SLC35A2: variants seen among roughly 807,000 people sequenced by gnomAD.
SLC35A2 encodes the protein UDP-galactose translocator.
A neutral mutation model predicts 17.3 loss-of-function variants in SLC35A2; 1 was observed. That is an observed-to-expected ratio of 0.06 (90% CI 0.02 to 0.27). SLC35A2 has a LOEUF of 0.27. SLC35A2 is among the 10% of genes least tolerant of loss of function. The probability of loss-of-function intolerance (pLI) is 1.00; values close to 1 mark genes in which losing one functional copy is unlikely to be tolerated. For synonymous variants in SLC35A2, 161 were observed against 161.3 expected (o/e 1.00, Z 0.01); for missense variants, 191 against 339.3 (o/e 0.56, Z 3.43).
chrX:48,910,277 C>G (rs782738969), intron 1 of SLC35A2: 2 of 1,146,127 alleles, frequency 1.7e-6, no homozygotes, highest in East Asian at 6.5e-5. Flanking sequence ...GAGGCAAACC[C>G]TGGCCACGCG....
intron 3 of SLC35A2, 83 bp from the exon 4 acceptor site, chrX:48,905,565 C>T (rs2063484960): frequency 1.1e-6 from 1 of 936,877 alleles, no homozygotes; most frequent in Admixed American, 4.1e-5. Context: ...ACTGTGGGCC[C>T]CCAGGCACAA....
chrX:48,903,834 GGTTCCACA>G (rs2063463509), intron 4 of SLC35A2: 21 of 814,612 alleles, frequency 2.6e-5, no homozygotes, highest in African/African-American at 4.4e-5. Flanking sequence ...GCAGGAGGCA[GGTTCCACA>G]GTTCATCAAT....
intron 2 of SLC35A2, among the ~76,000 whole-genome samples, chrX:48,908,283 T>G (rs1169993171): frequency 9.2e-6 from 1 of 108,755 alleles, no homozygotes; most frequent in African/African-American, 3.3e-5. Flanking sequence ...GCCTGGATAA[T>G]TTTTGTATTT....
chrX:48,904,255 G>C, intron 4 of SLC35A2: 1 of 911,168 alleles, frequency 1.1e-6, no homozygotes, highest in Non-Finnish European at 1.4e-6. Flanking sequence ...GGTAAGGGAG[G>C]AGAGAAGGCC....
chrX:48,903,307 G>T lies in SLC35A2; in HGVS notation c.*131C>A. 1.6e-6 allele frequency: 1 copy of T among 639,672 alleles called. No individual in the cohort carries two copies. Among genetic ancestry groups the T allele is most frequent in the Non-Finnish European group, 2.6e-6 (1 of 389,367 alleles). 52.7% of individuals were successfully genotyped at this position (639,672 alleles called of 1,213,427 possible). The stretch of plus-strand genomic sequence containing the variant: ...CTTAGTCATGTTGGCCCTGGGTGGG[G>T]CAGGGGTGGTGGGGACAGGGAGTCC... On this transcript the variant is annotated 3_prime_UTR_variant, in exon 5 of 5. Transcript: ENST00000247138.
At chrX:48,910,215 A>G in intron 1 of SLC35A2, 1 of 1,103,771 alleles carries the variant, frequency 9.1e-7, no homozygotes, top group South Asian at 1.9e-5. Flanking sequence ...AATGGGCCCC[A>G]CCCTGTCCCA....
intron 1 of SLC35A2, 105 bp downstream of exon 1, chrX:48,911,441 T>A: frequency 1.0e-6 from 1 of 967,414 alleles, no homozygotes; most frequent in Non-Finnish European, 1.4e-6. Context: ...CACACACACG[T>A]CGGTCCACAC....
intron 1 of SLC35A2, among the ~76,000 whole-genome samples, chrX:48,911,208 C>A (rs1401967651): frequency 9.0e-6 from 1 of 111,015 alleles, no homozygotes; most frequent in Non-Finnish European, 1.9e-5. Context: ...AGAATAGTCT[C>A]CCCCTTCTTC....
intron 1 of SLC35A2, chrX:48,910,442 A>G: frequency 2.2e-6 from 1 of 460,474 alleles, no homozygotes; most frequent in Non-Finnish European, 3.5e-6. Flanking sequence ...GTCATCTCCA[A>G]AAGAACTGCG....
chrX:48,908,156 C>T (rs1475220100), intron 2 of SLC35A2, among the ~76,000 whole-genome samples: 1 of 106,890 alleles, frequency 9.4e-6, no homozygotes, highest in Non-Finnish European at 1.9e-5. Context: ...TGCTCTGTCG[C>T]CCAGGCTGGA....
rs946472167 is a variant in SLC35A2 at position 48,911,629 on chromosome X, G to A, written c.8C>T (p.Ala3Val). ...CGCGGTGGAACCACCAGCCCCAACC[G>A]CTGCCATGTTGGCATCTGCCCGGCC... MA[A>V]VGAGGSTAAP... The change falls in exon 1 of 5, where the codon GCG becomes GTG. Residue 3 changes from alanine (A) to valine (V), a missense_variant. Transcript: ENST00000247138. 11 of 1,161,017 alleles carry A rather than the reference G, an allele frequency of 9.5e-6. No homozygotes were observed. The Admixed American group carries it at 1.5e-4, about 16-fold the overall frequency.
At chrX:48,909,584 C>A (rs2063516241) in intron 2 of SLC35A2, among the ~76,000 whole-genome samples, 1 of 113,253 alleles carries the variant, frequency 8.8e-6, no homozygotes, top group African/African-American at 3.2e-5. Context: ...TGTGAGAGAT[C>A]CCTGCTACTT....
At chrX:48,911,843 C>T (rs959204782), upstream of SLC35A2, 5 of 1,166,018 alleles carry the variant, frequency 4.3e-6, no homozygotes, top group Non-Finnish European at 5.7e-6. Flanking sequence ...GGACACGGCC[C>T]GATCGGCCTA....
intron 1 of SLC35A2, chrX:48,910,222 C>G: frequency 8.9e-7 from 1 of 1,122,825 alleles, no homozygotes. Context: ...CCCACCCTGT[C>G]CCAGTCCATA....
intron 2 of SLC35A2, 27 bp from the exon 3 acceptor site, chrX:48,906,570 T>C: frequency 2.5e-6 from 3 of 1,202,967 alleles, no homozygotes; most frequent in Non-Finnish European, 3.4e-6. Flanking sequence ...GAGCCCTTCT[T>C]AGCACTGACA....
At chrX:48,911,853 A>C (rs1557044206), upstream of SLC35A2, 1 of 1,166,962 alleles carries the variant, frequency 8.6e-7, no homozygotes, top group South Asian at 1.9e-5. Flanking sequence ...CGATCGGCCT[A>C]CCCACCATCC....
chrX:48,905,270 G>A lies in SLC35A2; in HGVS notation c.639C>T (p.Ser213=), dbSNP rs782301792. The change falls in exon 4 of 5, where the codon TCC becomes TCT. Residue 213 remains serine (S), a synonymous_variant. Transcript: ENST00000247138. ...TCTCAAAGTAGACACCTGCGAAGCC[G>A]GAGGAGAGACAGGAGGCCACGACGG... ...LAAVVASCLS[S]GFAGVYFEKI... 41 of 1,198,202 alleles carry A rather than the reference G, an allele frequency of 3.4e-5. No homozygotes were observed. The highest frequency in any genetic ancestry group is 2.4e-4 in the East Asian group (8 of 33,316).
intron 1 of SLC35A2, among the ~76,000 whole-genome samples, chrX:48,910,779 A>G (rs1348111376): frequency 1.8e-5 from 2 of 110,584 alleles, no homozygotes; most frequent in East Asian, 5.7e-4. Context: ...GCTCCCAGGG[A>G]CTGAATCCTG....
chrX:48,911,524 C>T lies in SLC35A2; in HGVS notation c.91+22G>A. 3 of 1,159,263 alleles carry T rather than the reference C, an allele frequency of 2.6e-6. No individual in the cohort carries two copies. In the Middle Eastern group the frequency reaches 7.3e-4, roughly 280 times the overall value. On this transcript the variant is annotated intron_variant, in intron 1 of 4. Coordinates refer to ENST00000247138, the MANE Select transcript of SLC35A2 (RefSeq NM_005660.3). ...ATCCCGACCTCCGCCTCCCATGCGA[C>T]TGCTCGGGCAGACTGTCTCACCCGC...
Sources: gnomAD v4.1 joint callset for allele counts (sites outside exome capture counted in the v4.1 genomes callset) on GRCh38, gnomAD v4.1.1 for gene constraint, MANE v1.5 for transcripts, NCBI Gene and HGNC (gene_info 2026-07-23, HGNC 2026-07-21) for gene names.